The following TBC1D9 variants were observed in gnomAD, a reference collection of about 807,000 sequenced individuals.
TBC1D9 encodes the protein TBC1 domain family member 9A.
A neutral mutation model predicts 132.0 loss-of-function variants in TBC1D9; 63 were observed. The observed-to-expected ratio is 0.48, with a 90% CI of 0.39 to 0.59. The LOEUF (loss-of-function observed/expected upper bound fraction) is 0.59, where lower values mean the gene tolerates loss of function less well. Among genes scored for constraint, TBC1D9 ranks in the 20% least tolerant of loss-of-function variants. The pLI, the probability that TBC1D9 is intolerant of heterozygous loss-of-function variation, is 0.00. For synonymous variants in TBC1D9, 610 were observed against 609.9 expected (o/e 1.00, Z 0.00); for missense variants, 1,261 against 1,592.7 (o/e 0.79, Z 3.54).
intron 1 of TBC1D9, among the ~76,000 whole-genome samples, chr4:140,707,972 A>C (rs1007717057): frequency 2.1e-4 from 32 of 151,964 alleles, no homozygotes; most frequent in African/African-American, 6.3e-4. Context: ...ATTGTTTCCT[A>C]CTTCAAAAAA....
intron 1 of TBC1D9, among the ~76,000 whole-genome samples, chr4:140,717,435 T>A (rs367782385): frequency 6.6e-6 from 1 of 152,244 alleles, no homozygotes; most frequent in Non-Finnish European, 1.5e-5. Context: ...ATAATGGCAA[T>A]GATTCTTTGT....
chr4:140,687,396 A>ATATG (rs56219048), intron 2 of TBC1D9, among the ~76,000 whole-genome samples: 1 of 110,360 alleles, frequency 9.1e-6, no homozygotes, highest in African/African-American at 3.3e-5. Context: ...ATATATATAT[A>ATATG]AACATATAGT....
intron 1 of TBC1D9, among the ~76,000 whole-genome samples, chr4:140,740,252 A>G (rs1738739225): frequency 6.6e-6 from 1 of 152,226 alleles, no homozygotes; most frequent in Non-Finnish European, 1.5e-5. Flanking sequence ...ATGGAAAGGT[A>G]AAAGGCCTCA....
intron 2 of TBC1D9, among the ~76,000 whole-genome samples, chr4:140,698,121 C>T (rs1311372114): frequency 6.6e-6 from 1 of 152,190 alleles, no homozygotes; most frequent in Non-Finnish European, 1.5e-5. Flanking sequence ...TGTTTGCCAA[C>T]TAAATGTGAT....
intron 13 of TBC1D9, among the ~76,000 whole-genome samples, chr4:140,655,916 C>T (rs902648449): frequency 6.6e-6 from 1 of 152,104 alleles, no homozygotes; most frequent in Non-Finnish European, 1.5e-5. Context: ...GTCAGCCTCC[C>T]CATCCCTACT....
At chr4:140,637,324 T>A (rs1736896335) in intron 15 of TBC1D9, among the ~76,000 whole-genome samples, 2 of 151,124 alleles carry the variant, frequency 1.3e-5, no homozygotes, top group African/African-American at 4.9e-5. Flanking sequence ...CACTCCAGCC[T>A]GGGTGACAGA....
Position 140,661,484 on chromosome 4 carries a change from G to A in TBC1D9, c.1803+409C>T, listed in dbSNP as rs551491872. 2.6e-5 allele frequency among the ~76,000 whole-genome samples: 4 copies of A among 152,272 alleles called. No homozygotes were observed. In the South Asian group the frequency reaches 8.3e-4, roughly 32 times the overall value. Reference sequence around the variant, plus strand: ...GGATGCCCTCTCTTACTCCAGGGTGGGATGAAGGTTGAGGCAGACAGTGAT... The same window carrying A: ...GGATGCCCTCTCTTACTCCAGGGTGAGATGAAGGTTGAGGCAGACAGTGAT... On this transcript the variant is annotated intron_variant, in intron 10 of 20. Coordinates refer to ENST00000442267, the MANE Select transcript of TBC1D9 (RefSeq NM_015130.3).
Position 140,755,900 on chromosome 4 carries a change from C to A in TBC1D9, c.130+16G>T. 2 of 1,532,844 alleles carry A rather than the reference C, an allele frequency of 1.3e-6. No individual in the cohort carries two copies. The highest frequency in any genetic ancestry group is 1.7e-6 in the Non-Finnish European group (2 of 1,143,160). The allele number at this position is 1,532,844 out of a possible 1,614,324, so 95.0% of individuals were successfully genotyped here. A position where few individuals can be genotyped will look rare whatever the true frequency, so the allele number is the denominator to read the frequency against. On this transcript the variant is annotated intron_variant, in intron 1 of 20. Transcript: ENST00000442267. Reference sequence around the variant, plus strand: ...CTCCCGGCTCCCCTCCTGCAGGGATCGGCCACGGTCCTTACCCGCCAGTCC... The same window carrying A: ...CTCCCGGCTCCCCTCCTGCAGGGATAGGCCACGGTCCTTACCCGCCAGTCC...
intron 1 of TBC1D9, among the ~76,000 whole-genome samples, chr4:140,747,648 C>A (rs1212639850): frequency 6.6e-6 from 1 of 152,094 alleles, no homozygotes; most frequent in Non-Finnish European, 1.5e-5. Flanking sequence ...TTTAGAGTAA[C>A]AATTATTTTG....
intron 13 of TBC1D9, among the ~76,000 whole-genome samples, chr4:140,655,591 A>C (rs1425285743): frequency 6.6e-6 from 1 of 152,234 alleles, no homozygotes; most frequent in African/African-American, 2.4e-5. Flanking sequence ...TCAGGAAATG[A>C]AGAAACCATC....
At chr4:140,645,070 G>A in intron 13 of TBC1D9, 1 of 509,282 alleles carries the variant, frequency 2.0e-6, no homozygotes, top group Non-Finnish European at 3.9e-6. Context: ...GAGCCTGCCA[G>A]CACTGGGCCC....
chr4:140,751,401 C>A (rs1367332833), intron 1 of TBC1D9, among the ~76,000 whole-genome samples: 1 of 152,118 alleles, frequency 6.6e-6, no homozygotes, highest in African/African-American at 2.4e-5. Flanking sequence ...AATACAATAC[C>A]TAACCCCTAC....
At chr4:140,644,445 G>A (rs1248900422) in intron 13 of TBC1D9, 2 of 297,256 alleles carry the variant, frequency 6.7e-6, no homozygotes, top group Non-Finnish European at 1.3e-5. Context: ...CGCGCGGGGC[G>A]ATGGCGGCGG....
intron 1 of TBC1D9, among the ~76,000 whole-genome samples, chr4:140,728,971 A>G (rs949724923): frequency 6.6e-6 from 1 of 152,068 alleles, no homozygotes; most frequent in Admixed American, 6.6e-5. Flanking sequence ...GTCGAAATCT[A>G]CTTCTCTGGA....
intron 1 of TBC1D9, among the ~76,000 whole-genome samples, chr4:140,751,115 T>C (rs1738917030): frequency 6.6e-6 from 1 of 152,264 alleles, no homozygotes; most frequent in East Asian, 1.9e-4. Context: ...CTACTGCATA[T>C]AAACTCTTAT....
intron 1 of TBC1D9, among the ~76,000 whole-genome samples, chr4:140,750,984 G>A (rs539957543): frequency 6.6e-6 from 1 of 151,988 alleles, no homozygotes; most frequent in Admixed American, 6.6e-5. Flanking sequence ...TTAAAAAAAT[G>A]CATCAATATT....
chr4:140,741,135 A>G (rs1724161737), intron 1 of TBC1D9, among the ~76,000 whole-genome samples: 1 of 152,216 alleles, frequency 6.6e-6, no homozygotes, highest in Non-Finnish European at 1.5e-5. Context: ...CAGTATTAAC[A>G]TTAAAACAGA....
chr4:140,743,286 A>G (rs1738788406), intron 1 of TBC1D9, among the ~76,000 whole-genome samples: 3 of 152,194 alleles, frequency 2.0e-5, no homozygotes, highest in Non-Finnish European at 4.4e-5. Context: ...TAATACCTAC[A>G]TGAGATCATC....
chr4:140,677,458 C>T lies in TBC1D9; in HGVS notation c.852-357G>A, dbSNP rs1019518665. On this transcript the variant is annotated intron_variant, in intron 5 of 20. Transcript: ENST00000442267. Reference sequence around the variant, plus strand: ...CTTATCCAAGCCACTTTAGGGGGGGCCTTATCTTTTAAGACCTAATGAGAA... The same window carrying T: ...CTTATCCAAGCCACTTTAGGGGGGGTCTTATCTTTTAAGACCTAATGAGAA... Among the ~76,000 whole-genome samples, 3 of 152,072 alleles carry T rather than the reference C, an allele frequency of 2.0e-5. No individual in the cohort carries two copies. The East Asian group carries it at 5.8e-4, about 29-fold the overall frequency.
Sources: gnomAD v4.1 joint callset for allele counts (sites outside exome capture counted in the v4.1 genomes callset) on GRCh38, gnomAD v4.1.1 for gene constraint, MANE v1.5 for transcripts, NCBI Gene and HGNC (gene_info 2026-07-23, HGNC 2026-07-21) for gene names.